CDH18: variants seen among roughly 807,000 people sequenced by gnomAD.
CDH18 encodes cadherin 18, also known as cadherin-18.
Under a neutral mutation model 67.9 loss-of-function variants are expected in CDH18, and 31 were observed. That is an observed-to-expected ratio of 0.46 (90% CI 0.34 to 0.62). The LOEUF (loss-of-function observed/expected upper bound fraction) is 0.62, where lower values mean the gene tolerates loss of function less well. Ranked by LOEUF, CDH18 falls within the 20% of genes least tolerant of loss-of-function variation. The pLI, the probability that CDH18 is intolerant of heterozygous loss-of-function variation, is 0.01. For missense variants in CDH18, 890 were observed against 975.5 expected (o/e 0.91, Z 1.17); for synonymous variants, 362 against 347.2 (o/e 1.04, Z -0.48).
In CDH18 at chr5:19,882,207, A is replaced by G. The variant is rs1310495622; in HGVS notation, c.-256-42965T>C. Reference sequence around the variant, plus strand: ...TTGCCAACTCAAAAGCAATGTTCACAATTTACAGTTCTTTCCTTGTGATTC... The same window carrying G: ...TTGCCAACTCAAAAGCAATGTTCACGATTTACAGTTCTTTCCTTGTGATTC... On this transcript the variant is annotated intron_variant, in intron 2 of 12. Coordinates refer to ENST00000382275, the MANE Select transcript of CDH18 (RefSeq NM_004934.5). Among the ~76,000 whole-genome samples, 3 of 152,114 alleles carry G rather than the reference A, an allele frequency of 2.0e-5. No individual in the cohort carries two copies. The East Asian group carries it at 5.8e-4, about 29-fold the overall frequency.
intron 2 of CDH18, among the ~76,000 whole-genome samples, chr5:20,086,337 T>A (rs1396802355): frequency 6.6e-6 from 1 of 152,192 alleles, no homozygotes; most frequent in Admixed American, 6.5e-5. Flanking sequence ...AACATAAAAT[T>A]ATGAGCAAAG....
At chr5:20,445,692 A>G (rs937757027) in intron 1 of CDH18, among the ~76,000 whole-genome samples, 7 of 152,208 alleles carry the variant, frequency 4.6e-5, no homozygotes, top group African/African-American at 1.7e-4. Flanking sequence ...GCTTAGCAGG[A>G]TTCTTTGATA....
intron 1 of CDH18, among the ~76,000 whole-genome samples, chr5:20,433,926 C>T (rs537315002): frequency 1.6e-4 from 24 of 152,078 alleles, no homozygotes; most frequent in East Asian, 1.5e-3. Context: ...AAAGAAAACG[C>T]GTCATAAACG....
At chr5:20,344,095 G>A (rs921088016) in intron 1 of CDH18, among the ~76,000 whole-genome samples, 1 of 152,076 alleles carries the variant, frequency 6.6e-6, no homozygotes, top group Non-Finnish European at 1.5e-5. Flanking sequence ...CAGCCCAAAG[G>A]ATGGCTACTA....
chr5:20,222,384 G>GA (rs1393541377), intron 2 of CDH18, among the ~76,000 whole-genome samples: 1 of 151,938 alleles, frequency 6.6e-6, no homozygotes, highest in African/African-American at 2.4e-5. Context: ...GTACAGACAA[G>GA]AAAAAACAGA....
intron 1 of CDH18, among the ~76,000 whole-genome samples, chr5:19,987,712 G>A (rs1417918185): frequency 1.3e-5 from 2 of 152,096 alleles, no homozygotes; most frequent in African/African-American, 4.8e-5. Flanking sequence ...CACTTTTACA[G>A]ATAGACATAA....
At chr5:19,810,760 C>A (rs1293010464) in intron 3 of CDH18, among the ~76,000 whole-genome samples, 1 of 152,016 alleles carries the variant, frequency 6.6e-6, no homozygotes, top group Non-Finnish European at 1.5e-5. Flanking sequence ...CAGTGGCTCA[C>A]ACTTGTAATC....
chr5:19,566,645 C>T (rs1035903150), intron 8 of CDH18, among the ~76,000 whole-genome samples: 7 of 151,992 alleles, frequency 4.6e-5, no homozygotes, highest in Non-Finnish European at 8.8e-5. Context: ...ACCGCCCCCA[C>T]GATTCAATTA....
In CDH18 at chr5:20,041,177, C is replaced by T. The variant is rs577327658; in HGVS notation, c.-517-49163G>A. On this transcript the variant is annotated intron_variant, in intron 2 of 14. Coordinates refer to the CDH18 transcript ENST00000507958. Reference sequence around the variant, plus strand: ...TACTGTAGAAAGCTTATAAACTTTACGATGTTTCTCATGATATCTTGCATG... The same window carrying T: ...TACTGTAGAAAGCTTATAAACTTTATGATGTTTCTCATGATATCTTGCATG... Among the ~76,000 whole-genome samples the T allele has an allele frequency of 5.3e-5, 8 of 152,272 alleles. No homozygotes were observed. In the East Asian group the frequency reaches 1.2e-3, roughly 22 times the overall value.
intron 5 of CDH18, among the ~76,000 whole-genome samples, chr5:19,673,174 T>C (rs548620467): frequency 8.7e-4 from 132 of 152,202 alleles, no homozygotes; most frequent in African/African-American, 3.1e-3. Context: ...ATTCTGTTTT[T>C]GTTGTTGAGA....
chr5:19,766,035 A>G (rs1192579627), intron 3 of CDH18, among the ~76,000 whole-genome samples: 1 of 152,044 alleles, frequency 6.6e-6, no homozygotes, highest in Non-Finnish European at 1.5e-5. Context: ...GCCCACCACC[A>G]CACCCGGCTA....
chr5:20,360,032 T>C (rs924218178), intron 1 of CDH18, among the ~76,000 whole-genome samples: 6 of 143,930 alleles, frequency 4.2e-5, no homozygotes, highest in African/African-American at 1.6e-4. Context: ...AATAACAAAC[T>C]TGGATTAGTG....
intron 2 of CDH18, among the ~76,000 whole-genome samples, chr5:20,023,678 A>G (rs1041491871): frequency 4.2e-5 from 6 of 141,186 alleles, no homozygotes; most frequent in South Asian, 2.3e-4. Flanking sequence ...AAAAAAAAAA[A>G]GAAAGGTATT....
At chr5:20,330,997 T>C (rs532807071) in intron 1 of CDH18, among the ~76,000 whole-genome samples, 2 of 152,352 alleles carry the variant, frequency 1.3e-5, no homozygotes, top group South Asian at 2.1e-4. Context: ...TATTTGCTAC[T>C]GGTAACACAT....
At chr5:19,598,511 T>G (rs1278867839) in intron 6 of CDH18, among the ~76,000 whole-genome samples, 1 of 152,036 alleles carries the variant, frequency 6.6e-6, no homozygotes. Flanking sequence ...AAGAAGGACA[T>G]AGGAAACTGA....
rs143083868 is a variant in CDH18 at position 19,529,345 on chromosome 5, A to T, written c.1391-8567T>A. 8.3e-3 allele frequency among the ~76,000 whole-genome samples: 1,259 copies of T among 152,156 alleles called. 11 individuals are homozygous for T. The highest frequency in any genetic ancestry group is 0.032 in the South Asian group (152 of 4,824). ...AAATAGAAGGAACTTTCTCAACCTG[A>T]ACAAAACTGTAACTATGATCACCCT... On this transcript the variant is annotated intron_variant, in intron 9 of 12. Coordinates refer to ENST00000382275, the MANE Select transcript of CDH18 (RefSeq NM_004934.5).
At chr5:19,586,838 G>A (rs1404937134) in intron 7 of CDH18, among the ~76,000 whole-genome samples, 1 of 152,114 alleles carries the variant, frequency 6.6e-6, no homozygotes, top group Non-Finnish European at 1.5e-5. Flanking sequence ...GTGTAAAAGT[G>A]TTCCTTTTTC....
At chr5:19,920,383 C>G (rs1015876892) in intron 2 of CDH18, among the ~76,000 whole-genome samples, 1 of 152,062 alleles carries the variant, frequency 6.6e-6, no homozygotes, top group East Asian at 1.9e-4. Context: ...AGTTTTGGCC[C>G]AAGCTATGCA....
chr5:19,642,443 T>TAATC (rs1754142791), intron 5 of CDH18, among the ~76,000 whole-genome samples: 1 of 152,026 alleles, frequency 6.6e-6, no homozygotes, highest in Admixed American at 6.6e-5. Flanking sequence ...AAAGCTACAG[T>TAATC]AATCAAAACA....
Sources: gnomAD v4.1 joint callset for allele counts (sites outside exome capture counted in the v4.1 genomes callset) on GRCh38, gnomAD v4.1.1 for gene constraint, MANE v1.5 for transcripts, NCBI Gene and HGNC (gene_info 2026-07-23, HGNC 2026-07-21) for gene names.